Variants in SCMH1 observed in about 807,000 individuals in gnomAD.
SCMH1 encodes polycomb protein SCMH1.
SCMH1 carries 37 observed loss-of-function variants against 70.8 expected under a neutral mutation model. That is an observed-to-expected ratio of 0.52 (90% CI 0.40 to 0.69). The LOEUF is 0.69. Among genes scored for constraint, SCMH1 ranks in the 30% least tolerant of loss-of-function variants. The probability of loss-of-function intolerance (pLI) is 0.00; values close to 1 mark genes in which losing one functional copy is unlikely to be tolerated. For synonymous variants in SCMH1, 292 were observed against 307.4 expected (o/e 0.95, Z 0.52); for missense variants, 607 against 827.3 (o/e 0.73, Z 3.27).
intron 1 of SCMH1, among the ~76,000 whole-genome samples, chr1:41,206,869 G>A (rs968493624): frequency 1.3e-5 from 2 of 152,176 alleles, no homozygotes; most frequent in Non-Finnish European, 2.9e-5. Context: ...CGCCAGAAGC[G>A]AGTGGGGGCC....
chr1:41,028,146 A>G (rs1455568545), exon 15 of SCMH1: 2 of 1,611,276 alleles, frequency 1.2e-6, no homozygotes, highest in Admixed American at 3.3e-5. Flanking sequence ...TTCCTAGAAG[A>G]ATGCCCCCAC....
At chr1:41,198,865 A>T (rs916633141) in intron 1 of SCMH1, among the ~76,000 whole-genome samples, 2 of 152,230 alleles carry the variant, frequency 1.3e-5, no homozygotes, top group African/African-American at 2.4e-5. Context: ...TCATCTAAAG[A>T]TCAGAGAATG....
chr1:41,063,329 T>C (rs562080061), intron 10 of SCMH1, among the ~76,000 whole-genome samples: 2 of 151,738 alleles, frequency 1.3e-5, no homozygotes, highest in Admixed American at 1.3e-4. Context: ...AAAAATTAGC[T>C]GGGCGTGGTG....
At chr1:41,184,694 G>GGATT (rs1649710027) in intron 2 of SCMH1, among the ~76,000 whole-genome samples, 1 of 152,046 alleles carries the variant, frequency 6.6e-6, no homozygotes, top group African/African-American at 2.4e-5. Flanking sequence ...GTCCTGTGGA[G>GGATT]GATTGGTTAT....
At chr1:41,092,046 A>G (rs1427853707) in intron 8 of SCMH1, among the ~76,000 whole-genome samples, 1 of 152,206 alleles carries the variant, frequency 6.6e-6, no homozygotes, top group Non-Finnish European at 1.5e-5. Flanking sequence ...TGGAACCAAA[A>G]AAGAGCCCGC....
chr1:41,188,312 T>C (rs1257283310), intron 1 of SCMH1, among the ~76,000 whole-genome samples: 1 of 152,202 alleles, frequency 6.6e-6, no homozygotes, highest in East Asian at 1.9e-4. Flanking sequence ...GTATTTTTAG[T>C]AGAGATGGGG....
chr1:41,152,582 C>A (rs767761955), intron 4 of SCMH1: 2 of 1,613,656 alleles, frequency 1.2e-6, no homozygotes, highest in Middle Eastern at 1.7e-4. Context: ...AATTACCAGT[C>A]TCCCCCTAAT....
chr1:41,032,653 A>G (rs549681391), intron 13 of SCMH1, among the ~76,000 whole-genome samples: 2 of 152,258 alleles, frequency 1.3e-5, no homozygotes, highest in African/African-American at 4.8e-5. Context: ...TGTTGGTAAC[A>G]GACTTCAGGG....
intron 5 of SCMH1, among the ~76,000 whole-genome samples, chr1:41,144,625 A>G (rs1204386679): frequency 6.6e-6 from 1 of 152,146 alleles, no homozygotes; most frequent in Non-Finnish European, 1.5e-5. Context: ...CTTATGAGTG[A>G]AACTGCTGGG....
intron 1 of SCMH1, among the ~76,000 whole-genome samples, chr1:41,196,901 A>G (rs1319166063): frequency 3.3e-5 from 5 of 152,168 alleles, no homozygotes; most frequent in Non-Finnish European, 5.9e-5. Context: ...GCAAAAGACA[A>G]TTCTCCAAAG....
chr1:41,182,884 TAACTGTCCCTGAATCAGGC>T (rs1175312886), intron 2 of SCMH1, among the ~76,000 whole-genome samples: 3 of 152,184 alleles, frequency 2.0e-5, no homozygotes, highest in Non-Finnish European at 4.4e-5. Flanking sequence ...GTGAATCAGG[TAACTGTCCCTGAATCAGGC>T]AACTGTCCCA....
At chr1:41,044,301 T>C (rs1423684521) in intron 12 of SCMH1, among the ~76,000 whole-genome samples, 1 of 152,024 alleles carries the variant, frequency 6.6e-6, no homozygotes, top group East Asian at 1.9e-4. Context: ...GCAGGAGTCA[T>C]AAATACCAGA....
intron 10 of SCMH1, among the ~76,000 whole-genome samples, chr1:41,070,184 T>C (rs919403548): frequency 2.0e-5 from 3 of 152,098 alleles, no homozygotes; most frequent in Non-Finnish European, 4.4e-5. Context: ...TCAACCTTAC[T>C]TTCATTGTAC....
At chr1:41,228,539 T>C (rs2148888012) in intron 1 of SCMH1, among the ~76,000 whole-genome samples, 1 of 152,046 alleles carries the variant, frequency 6.6e-6, no homozygotes, top group African/African-American at 2.4e-5. Context: ...TCCCAGCAGT[T>C]TGGGAGGCTG....
chr1:41,174,281 A>C (rs948681471), intron 2 of SCMH1, among the ~76,000 whole-genome samples: 16 of 126,298 alleles, frequency 1.3e-4, no homozygotes, highest in African/African-American at 4.0e-4. Flanking sequence ...TTTTTTTTTT[A>C]AAGACTGCCA....
At chr1:41,176,936 G>A (rs1246118522) in intron 2 of SCMH1, among the ~76,000 whole-genome samples, 2 of 152,180 alleles carry the variant, frequency 1.3e-5, no homozygotes, top group Non-Finnish European at 2.9e-5. Context: ...ATCTGAGAAT[G>A]GACAGACTGC....
intron 6 of SCMH1, among the ~76,000 whole-genome samples, chr1:41,126,147 A>G (rs886670746): frequency 5.9e-5 from 9 of 152,142 alleles, no homozygotes; most frequent in Non-Finnish European, 1.2e-4. Context: ...TCTATTTTCA[A>G]TATCTGCAAA....
chr1:41,094,416 T>C (rs1664511693), intron 8 of SCMH1, among the ~76,000 whole-genome samples: 1 of 152,122 alleles, frequency 6.6e-6, no homozygotes, highest in Admixed American at 6.5e-5. Context: ...ATTATGAAAA[T>C]GGTCTTGACC....
intron 8 of SCMH1, among the ~76,000 whole-genome samples, chr1:41,099,382 T>C (rs12124836): frequency 0.078 from 11,878 of 152,286 alleles, 593 homozygotes; most frequent in South Asian, 0.12. Context: ...GGTCTCACTA[T>C]GCATTTCCAA....
Sources: allele counts gnomAD v4.1 joint callset (sites outside exome capture counted in the v4.1 genomes callset), GRCh38; gene constraint gnomAD v4.1.1; transcripts MANE v1.5; gene names NCBI Gene and HGNC (gene_info 2026-07-23, HGNC 2026-07-21).